Variants in RFX4 observed in about 807,000 individuals in gnomAD.
RFX4 encodes regulatory factor X4.
RFX4 carries 10 observed loss-of-function variants against 95.0 expected under a neutral mutation model. That is an observed-to-expected ratio of 0.11 (90% CI 0.06 to 0.18). The LOEUF is 0.18. Ranked by LOEUF, RFX4 falls within the 10% of genes least tolerant of loss-of-function variation. The pLI, the probability that RFX4 is intolerant of heterozygous loss-of-function variation, is 1.00. For missense variants in RFX4, 640 were observed against 922.0 expected (o/e 0.69, Z 3.96); for synonymous variants, 321 against 340.7 (o/e 0.94, Z 0.64).
At chr12:106,725,185 C>A (rs1016630332) in intron 13 of RFX4, among the ~76,000 whole-genome samples, 2 of 152,106 alleles carry the variant, frequency 1.3e-5, no homozygotes, top group Admixed American at 6.6e-5. Flanking sequence ...CACAGTTCCA[C>A]GTGCAAGTGC....
intron 16 of RFX4, 75 bp from the exon 17 acceptor site, chr12:106,750,580 A>C: frequency 7.7e-7 from 1 of 1,292,634 alleles, no homozygotes; most frequent in Non-Finnish European, 1.0e-6. Flanking sequence ...AAAATAGATG[A>C]GGTTTTTAAA....
At chr12:106,756,573 A>C (rs1334799025) in intron 17 of RFX4, among the ~76,000 whole-genome samples, 6 of 152,312 alleles carry the variant, frequency 3.9e-5, no homozygotes, top group African/African-American at 1.4e-4. Context: ...AGAAAAAAAA[A>C]AAATTAATCA....
chr12:106,650,620 C>G lies in RFX4; in HGVS notation c.192-3608C>G, dbSNP rs184310899. 7.9e-3 allele frequency among the ~76,000 whole-genome samples: 1,202 copies of G among 152,094 alleles called. 19 individuals are homozygous for G. Among genetic ancestry groups the G allele is most frequent in the Non-Finnish European group, 0.011 (780 of 67,966 alleles). On this transcript the variant is annotated intron_variant, in intron 3 of 17. Coordinates refer to ENST00000392842, the MANE Select transcript of RFX4 (RefSeq NM_213594.3). ...TGGGACACCTGTAGTCCCAGCTACT[C>G]AGGAAACTGAGGCAGGAGAATTGCT...
chr12:106,710,041 T>C (rs556367684), intron 9 of RFX4, among the ~76,000 whole-genome samples: 3 of 152,334 alleles, frequency 2.0e-5, no homozygotes, highest in South Asian at 2.1e-4. Context: ...TTGGCACCCA[T>C]TCCCCAGCAT....
In RFX4 at chr12:106,682,035, G is replaced by T; in HGVS notation, c.358G>T (p.Gly120Trp). ...QFPQLTTRRL[G>W]TRGQSKYHYY... Reference sequence around the variant, plus strand: ...TCCTCAGTTAACCACCAGAAGACTCGGGACCCGAGGACAGTCAAAGTAAGC... The same window carrying T: ...TCCTCAGTTAACCACCAGAAGACTCTGGACCCGAGGACAGTCAAAGTAAGC... The change falls in exon 5 of 18, where the codon GGG becomes TGG. Residue 120 changes from glycine (G) to tryptophan (W), a missense_variant. This residue lies in a region of RFX4 where 89 missense variants were observed against 173.8 expected (regional missense o/e 0.51). Transcript: ENST00000392842. The T allele has an allele frequency of 6.2e-7, 1 of 1,614,140 alleles. No individual in the cohort carries two copies. Among genetic ancestry groups the T allele is most frequent in the Non-Finnish European group, 8.5e-7 (1 of 1,180,032 alleles).
chr12:106,733,118 T>A (rs1326095759), intron 15 of RFX4, 33 bp downstream of exon 15: 1 of 1,609,580 alleles, frequency 6.2e-7, no homozygotes, highest in East Asian at 2.2e-5. Flanking sequence ...CTTTGGGTAG[T>A]TAATGTTTGA....
chr12:106,699,575 G>A (rs2041947073), intron 8 of RFX4, among the ~76,000 whole-genome samples: 1 of 152,130 alleles, frequency 6.6e-6, no homozygotes, highest in Non-Finnish European at 1.5e-5. Context: ...AAGCTCTGAT[G>A]TTAAATGCAT....
chr12:106,686,011 G>A (rs1172865792), intron 5 of RFX4, among the ~76,000 whole-genome samples: 2 of 152,198 alleles, frequency 1.3e-5, no homozygotes, highest in African/African-American at 2.4e-5. Flanking sequence ...CCTATTTTGA[G>A]TTAATAAAAA....
chr12:106,756,599 G>A (rs1233913355), intron 17 of RFX4, among the ~76,000 whole-genome samples: 1 of 152,072 alleles, frequency 6.6e-6, no homozygotes, highest in African/African-American at 2.4e-5. Flanking sequence ...AGTGTTGTAA[G>A]ATCTCTGACT....
At chr12:106,594,280 T>C (rs2039584030) in intron 1 of RFX4, among the ~76,000 whole-genome samples, 1 of 152,206 alleles carries the variant, frequency 6.6e-6, no homozygotes, top group Non-Finnish European at 1.5e-5. Context: ...ATTAAAACTT[T>C]TAAGCTTTGG....
chr12:106,611,346 G>T (rs1229769520), intron 2 of RFX4, among the ~76,000 whole-genome samples: 1 of 150,242 alleles, frequency 6.7e-6, no homozygotes, highest in Non-Finnish European at 1.5e-5. Context: ...TTCTTTTGTT[G>T]TCTGTGCCTT....
intron 2 of RFX4, among the ~76,000 whole-genome samples, chr12:106,632,529 T>G (rs2040435916): frequency 6.6e-6 from 1 of 152,210 alleles, no homozygotes; most frequent in Admixed American, 6.5e-5. Context: ...CTCTCTACTC[T>G]CTTCTCCTAG....
chr12:106,671,904 C>T (rs576848668), intron 4 of RFX4, among the ~76,000 whole-genome samples: 4 of 152,202 alleles, frequency 2.6e-5, no homozygotes, highest in African/African-American at 4.8e-5. Flanking sequence ...TCAGGCAATC[C>T]GCCCACCTCG....
intron 4 of RFX4, among the ~76,000 whole-genome samples, chr12:106,662,420 C>T (rs146814278): frequency 4.7e-4 from 71 of 152,138 alleles, no homozygotes; most frequent in Non-Finnish European, 8.2e-4. Flanking sequence ...TGTTTGTTTT[C>T]TTATTGTTTT....
intron 4 of RFX4, among the ~76,000 whole-genome samples, chr12:106,672,609 A>G (rs1226643352): frequency 6.6e-6 from 1 of 152,186 alleles, no homozygotes; most frequent in Non-Finnish European, 1.5e-5. Flanking sequence ...CTTGCTCCAG[A>G]AATTAAAAGC....
intron 17 of RFX4, among the ~76,000 whole-genome samples, chr12:106,753,651 G>A (rs1465516990): frequency 6.6e-6 from 1 of 152,180 alleles, no homozygotes; most frequent in African/African-American, 2.4e-5. Context: ...CTGCAGAAGA[G>A]GAAGTGAGAC....
chr12:106,630,752 C>T lies in RFX4; in HGVS notation c.131-8580C>T, dbSNP rs1002803005. Among the ~76,000 whole-genome samples the T allele has an allele frequency of 7.9e-5, 12 of 152,320 alleles. No individual in the cohort carries two copies. In the East Asian group the frequency reaches 2.3e-3, roughly 29 times the overall value. ...TAATTAATTTAGAAATGTGTTTCCT[C>T]AATATTAAACTCTGCCACACTGACT... On this transcript the variant is annotated intron_variant, in intron 2 of 17. Coordinates refer to ENST00000392842, the MANE Select transcript of RFX4 (RefSeq NM_213594.3).
At chr12:106,662,026 C>A (rs1182748429) in intron 4 of RFX4, among the ~76,000 whole-genome samples, 1 of 152,152 alleles carries the variant, frequency 6.6e-6, no homozygotes, top group African/African-American at 2.4e-5. Context: ...TATAAATATG[C>A]ATGTGCAGGT....
At chr12:106,683,098 T>C (rs2041555252) in intron 5 of RFX4, 1 of 152,162 alleles carries the variant, frequency 6.6e-6, no homozygotes, top group Admixed American at 6.5e-5. Flanking sequence ...TAGTGACCTA[T>C]AAAACACTGT....
Sources: allele counts gnomAD v4.1 joint callset (sites outside exome capture counted in the v4.1 genomes callset), GRCh38; gene constraint gnomAD v4.1.1; regional missense constraint gnomAD v4.1.1; transcripts MANE v1.5; gene names NCBI Gene and HGNC (gene_info 2026-07-23, HGNC 2026-07-21).